EHD4: variants seen among roughly 807,000 people sequenced by gnomAD.
EHD4 encodes EH domain containing 4.
A neutral mutation model predicts 51.0 loss-of-function variants in EHD4; 37 were observed. The observed-to-expected ratio is 0.73, with a 90% confidence interval of 0.56 to 0.95. The LOEUF is 0.95. Ranked by LOEUF, EHD4 falls within the 40% of genes least tolerant of loss-of-function variation. The pLI, the probability that EHD4 is intolerant of heterozygous loss-of-function variation, is 0.00. For missense variants in EHD4, 632 were observed against 733.1 expected (o/e 0.86, Z 1.59); for synonymous variants, 297 against 317.3 (o/e 0.94, Z 0.68).
intron 2 of EHD4, 28 bp from the exon 3 acceptor site, chr15:41,943,192 C>A: frequency 6.5e-7 from 1 of 1,544,632 alleles, no homozygotes; most frequent in South Asian, 1.2e-5. Context: ...AAGGAGGGGT[C>A]AGAAACTGGG....
chr15:41,912,432 T>C (rs544269950), intron 4 of EHD4, among the ~76,000 whole-genome samples: 1 of 152,274 alleles, frequency 6.6e-6, no homozygotes, highest in East Asian at 1.9e-4. Flanking sequence ...CGATGGCTCA[T>C]GCCTGTAATC....
intron 2 of EHD4, among the ~76,000 whole-genome samples, chr15:41,953,389 T>G (rs1445664813): frequency 6.6e-6 from 1 of 152,202 alleles, no homozygotes; most frequent in Non-Finnish European, 1.5e-5. Flanking sequence ...TTTTTAACTT[T>G]TAAAATTTTT....
At chr15:41,902,202 C>T (rs1039753408) in intron 5 of EHD4, among the ~76,000 whole-genome samples, 1 of 152,018 alleles carries the variant, frequency 6.6e-6, no homozygotes, top group African/African-American at 2.4e-5. Flanking sequence ...TGGATGGCAC[C>T]GTAGAAACTG....
chr15:41,951,308 T>C (rs2067851116), intron 2 of EHD4, among the ~76,000 whole-genome samples: 1 of 152,048 alleles, frequency 6.6e-6, no homozygotes, highest in Non-Finnish European at 1.5e-5. Context: ...TATTTTTCTA[T>C]ATGTTATTCT....
At chr15:41,971,237 C>T (rs1233792244) in intron 1 of EHD4, among the ~76,000 whole-genome samples, 1 of 152,164 alleles carries the variant, frequency 6.6e-6, no homozygotes, top group Non-Finnish European at 1.5e-5. Context: ...AATATAGATG[C>T]AGTTTTCTCA....
At chr15:41,955,467 C>T (rs910452323) in intron 1 of EHD4, among the ~76,000 whole-genome samples, 1 of 152,036 alleles carries the variant, frequency 6.6e-6, no homozygotes, top group Non-Finnish European at 1.5e-5. Context: ...ACGAGGACCC[C>T]CATTTCCTCT....
Position 41,897,523 on chromosome 15 carries a change from T to C in EHD4, c.*3122A>G, listed in dbSNP as rs2067447302. On this transcript the variant is annotated 3_prime_UTR_variant, in exon 6 of 6. Transcript: ENST00000220325. ...CTGCCCCCAGGCCATCCAAGTGCGG[T>C]GAGTTGAGAAATGAATTGACAGACG... 6.6e-6 allele frequency: 1 copy of C among 152,002 alleles called. No individual in the cohort carries two copies. The highest frequency in any genetic ancestry group is 2.4e-5 in the African/African-American group (1 of 41,324). 9.4% of individuals were successfully genotyped at this position (152,002 alleles called of 1,614,324 possible). A position where few individuals can be genotyped will look rare whatever the true frequency, so the allele number is the denominator to read the frequency against.
intron 3 of EHD4, among the ~76,000 whole-genome samples, chr15:41,939,761 C>A (rs2067754675): frequency 6.9e-6 from 1 of 144,768 alleles, no homozygotes. Flanking sequence ...CCATTGCACT[C>A]CAGCTTTGGT....
At chr15:41,929,254 CT>C (rs1275973649) in intron 3 of EHD4, among the ~76,000 whole-genome samples, 3 of 152,230 alleles carry the variant, frequency 2.0e-5, no homozygotes, top group Non-Finnish European at 4.4e-5. Flanking sequence ...TTTTCTGTGC[CT>C]GTTTCCTCAT....
chr15:41,931,965 G>A (rs527719464), intron 3 of EHD4, among the ~76,000 whole-genome samples: 1 of 151,830 alleles, frequency 6.6e-6, no homozygotes, highest in Non-Finnish European at 1.5e-5. Flanking sequence ...GTGAGCCGCC[G>A]CGCCCAGCCA....
intron 1 of EHD4, among the ~76,000 whole-genome samples, chr15:41,961,465 G>GATCT (rs2067923903): frequency 6.6e-6 from 1 of 152,188 alleles, no homozygotes; most frequent in Admixed American, 6.5e-5. Context: ...TCTTTGATCT[G>GATCT]GGAGTACTGT....
chr15:41,965,108 A>G, intron 1 of EHD4, among the ~76,000 whole-genome samples: 1 of 152,158 alleles, frequency 6.6e-6, no homozygotes, highest in East Asian at 1.9e-4. Flanking sequence ...ATTTATGCTT[A>G]GGCTATTCTA....
chr15:41,911,333 T>G (rs565422891), intron 4 of EHD4, among the ~76,000 whole-genome samples: 1 of 152,240 alleles, frequency 6.6e-6, no homozygotes, highest in Non-Finnish European at 1.5e-5. Flanking sequence ...ATGAAGACAA[T>G]TGAAATGATT....
At chr15:41,904,360 TC>T (rs953287395) in intron 5 of EHD4, among the ~76,000 whole-genome samples, 4 of 151,436 alleles carry the variant, frequency 2.6e-5, no homozygotes, top group African/African-American at 7.3e-5. Flanking sequence ...ATCCCTGTGG[TC>T]CCCCCCAGGC....
chr15:41,948,484 G>A (rs1423670607), intron 2 of EHD4, among the ~76,000 whole-genome samples: 1 of 151,944 alleles, frequency 6.6e-6, no homozygotes, highest in Non-Finnish European at 1.5e-5. Flanking sequence ...AAAGAATAAT[G>A]GGGAAAGCTT....
At chr15:41,962,250 A>G (rs2141008854) in intron 1 of EHD4, among the ~76,000 whole-genome samples, 1 of 152,328 alleles carries the variant, frequency 6.6e-6, no homozygotes, top group Middle Eastern at 3.4e-3. Flanking sequence ...GTTTTGAAGA[A>G]CCTAACTAAG....
intron 2 of EHD4, among the ~76,000 whole-genome samples, chr15:41,952,207 C>T (rs2067856746): frequency 1.3e-5 from 2 of 152,242 alleles, no homozygotes; most frequent in Non-Finnish European, 2.9e-5. Context: ...CCTGGAGCTG[C>T]GCGATGAGGC....
At chr15:41,948,902 G>A (rs2067833000) in intron 2 of EHD4, among the ~76,000 whole-genome samples, 1 of 150,946 alleles carries the variant, frequency 6.6e-6, no homozygotes, top group Non-Finnish European at 1.5e-5. Context: ...GGTGACACAC[G>A]CCTGTCGTCC....
intron 1 of EHD4, among the ~76,000 whole-genome samples, chr15:41,959,010 C>T (rs1470114975): frequency 2.6e-5 from 4 of 152,156 alleles, no homozygotes; most frequent in Non-Finnish European, 5.9e-5. Context: ...AACAAATACA[C>T]AAATGTAAGA....
Sources: gnomAD v4.1 joint callset for allele counts (sites outside exome capture counted in the v4.1 genomes callset) on GRCh38, gnomAD v4.1.1 for gene constraint, MANE v1.5 for transcripts, NCBI Gene and HGNC (gene_info 2026-07-23, HGNC 2026-07-21) for gene names.